The following KPNA5 variants were observed in gnomAD, a reference collection of about 807,000 sequenced individuals.
KPNA5 encodes karyopherin subunit alpha 5, also known as importin subunit alpha-6.
In KPNA5, 46 loss-of-function variants were observed where a neutral mutation model predicts 71.3. The ratio of observed to expected loss-of-function variants is 0.65; its 90% confidence interval spans 0.51 to 0.83. KPNA5 has a LOEUF of 0.83. KPNA5 is among the 40% of genes least tolerant of loss of function. The pLI, the probability that KPNA5 is intolerant of heterozygous loss-of-function variation, is 0.00. For missense variants in KPNA5, 547 were observed against 628.3 expected (o/e 0.87, Z 1.38); for synonymous variants, 207 against 201.4 (o/e 1.03, Z -0.24).
chr6:116,735,882 G>C lies in KPNA5; in HGVS notation c.*3559G>C, dbSNP rs1779653552. 1 of 151,788 alleles carries C rather than the reference G, an allele frequency of 6.6e-6. No homozygotes were observed. Among genetic ancestry groups the C allele is most frequent in the African/African-American group, 2.4e-5 (1 of 41,396 alleles). The allele number at this position is 151,788 out of a possible 1,614,324, so 9.4% of individuals were successfully genotyped here. ...ATCAGTAGTCACAGTAATTACTAAT[G>C]ATTTAAACATGCCAATTAAAGTGCA... On this transcript the variant is annotated 3_prime_UTR_variant, in exon 14 of 14. Coordinates refer to ENST00000368564, the MANE Select transcript of KPNA5 (RefSeq NM_001366306.2).
chr6:116,712,203 A>G (rs1327385578), intron 7 of KPNA5, among the ~76,000 whole-genome samples: 3 of 152,252 alleles, frequency 2.0e-5, no homozygotes, highest in Non-Finnish European at 4.4e-5. Context: ...AGCCTCCCAA[A>G]GTGCTGGGAT....
At position 116,739,763 on chromosome 6, in the gene KPNA5, A is replaced by G. The variant is rs1466761049; in HGVS notation, c.*7440A>G. 6.6e-6 allele frequency: 1 copy of G among 151,764 alleles called. No individual in the cohort carries two copies. The highest frequency in any genetic ancestry group is 2.4e-5 in the African/African-American group (1 of 41,316). 9.4% of individuals were successfully genotyped at this position (151,764 alleles called of 1,614,324 possible). A position where few individuals can be genotyped will look rare whatever the true frequency, so the allele number is the denominator to read the frequency against. ...CAATGGGGAAAGGATTCCCTATTTA[A>G]TAAATGGTGCTGGGAAAACTGGCTA... On this transcript the variant is annotated 3_prime_UTR_variant, in exon 14 of 14. Transcript: ENST00000368564.
chr6:116,698,611 A>C lies in KPNA5; in HGVS notation c.341-93A>C, dbSNP rs1412382387. ...ATCTTGGGTCAGGGAAACCTAGGAA[A>C]GAGTTATTTTATGTGCCCTGTTAAT... On this transcript the variant is annotated intron_variant, in intron 4 of 13. Coordinates refer to ENST00000368564, the MANE Select transcript of KPNA5 (RefSeq NM_001366306.2). 6 of 682,198 alleles carry C rather than the reference A, an allele frequency of 8.8e-6. No individual in the cohort carries two copies. In the Admixed American group the frequency reaches 2.1e-4, roughly 24 times the overall value. The allele number at this position is 682,198 out of a possible 1,614,324, so 42.3% of individuals were successfully genotyped here.
intron 10 of KPNA5, among the ~76,000 whole-genome samples, chr6:116,725,461 C>CT (rs1314712036): frequency 6.6e-6 from 1 of 152,058 alleles, no homozygotes; most frequent in Non-Finnish European, 1.5e-5. Context: ...GTCACCAAAT[C>CT]TTTTTTCAGT....
chr6:116,685,404 A>G (rs2114352378), intron 1 of KPNA5, among the ~76,000 whole-genome samples: 1 of 152,112 alleles, frequency 6.6e-6, no homozygotes. Flanking sequence ...CTAGTACCCA[A>G]TAGTTATTTT....
At chr6:116,684,629 C>T (rs1777498683) in intron 1 of KPNA5, among the ~76,000 whole-genome samples, 1 of 152,010 alleles carries the variant, frequency 6.6e-6, no homozygotes, top group Non-Finnish European at 1.5e-5. Flanking sequence ...TTGCTCTTGC[C>T]TTTTTCTGCT....
chr6:116,689,853 T>C (rs1379715061), intron 2 of KPNA5, among the ~76,000 whole-genome samples: 1 of 152,250 alleles, frequency 6.6e-6, no homozygotes, highest in Non-Finnish European at 1.5e-5. Context: ...ATGCTATTCA[T>C]ACTGTTCCCC....
chr6:116,729,772 A>C, intron 13 of KPNA5, 31 bp downstream of exon 13: 1 of 1,356,858 alleles, frequency 7.4e-7, no homozygotes, highest in Non-Finnish European at 9.8e-7. Context: ...TTGCAATTAT[A>C]GTCAGTTCTT....
rs147467573 is a variant in KPNA5 at position 116,713,164 on chromosome 6, T to G, written c.657-3055T>G. 1.2e-3 allele frequency among the ~76,000 whole-genome samples: 185 copies of G among 152,322 alleles called. 1 individual carries two copies. The highest frequency in any genetic ancestry group is 6.8e-3 in the Admixed American group (104 of 15,298). ...TTACCTATGTAGCTATCTTTAGCAG[T>G]ATTCTTTATTTCTTTGTATGGTTTT... On this transcript the variant is annotated intron_variant, in intron 7 of 13. Transcript: ENST00000368564.
At chr6:116,729,193 G>C (rs867232590) in intron 12 of KPNA5, among the ~76,000 whole-genome samples, 2 of 141,196 alleles carry the variant, frequency 1.4e-5, no homozygotes, top group African/African-American at 5.6e-5. Flanking sequence ...GTGTGTGTGT[G>C]TGTGTGTCTG....
At chr6:116,695,919 C>T (rs1416695403) in intron 4 of KPNA5, among the ~76,000 whole-genome samples, 1 of 152,144 alleles carries the variant, frequency 6.6e-6, no homozygotes, top group East Asian at 1.9e-4. Flanking sequence ...ACCATTTCCT[C>T]ATTATTGAAT....
intron 12 of KPNA5, 83 bp downstream of exon 12, chr6:116,726,705 A>G: frequency 8.7e-7 from 1 of 1,143,670 alleles, no homozygotes; most frequent in Non-Finnish European, 1.2e-6. Context: ...TACTGATGGA[A>G]CTAAAATATT....
rs1779301272 is a variant in KPNA5 at position 116,726,627 on chromosome 6, G to T, written c.1253+5G>T. On this transcript the variant is annotated splice_donor_5th_base_variant and intron_variant, in intron 12 of 13. Coordinates refer to ENST00000368564, the MANE Select transcript of KPNA5 (RefSeq NM_001366306.2). ...AGGTACTCCAGAGCAAATAAGGTAT[G>T]ATATAAACTTCTTAATTGTTTTTTA... is the stretch of plus-strand genomic sequence containing the variant. 6.4e-7 allele frequency: 1 copy of T among 1,563,984 alleles called. No homozygotes were observed. The highest frequency in any genetic ancestry group is 1.4e-5 in the African/African-American group (1 of 71,966).
At chr6:116,727,206 A>G (rs1486336600) in intron 12 of KPNA5, among the ~76,000 whole-genome samples, 1 of 151,998 alleles carries the variant, frequency 6.6e-6, no homozygotes, top group Non-Finnish European at 1.5e-5. Flanking sequence ...CTCCTTCAGT[A>G]AAAGTTGTGT....
At chr6:116,696,371 T>C (rs1490547693) in intron 4 of KPNA5, among the ~76,000 whole-genome samples, 3 of 152,200 alleles carry the variant, frequency 2.0e-5, no homozygotes, top group African/African-American at 7.2e-5. Context: ...AGCAAGCATC[T>C]AGAGGCCAGA....
chr6:116,721,926 CAT>C (rs1163330121), intron 8 of KPNA5, among the ~76,000 whole-genome samples, 198 bp from the exon 9 acceptor site: 2 of 152,138 alleles, frequency 1.3e-5, no homozygotes, highest in Non-Finnish European at 2.9e-5. Flanking sequence ...AATTTAACTA[CAT>C]ATCTTATTCA....
chr6:116,681,347 G>C lies in KPNA5; in HGVS notation c.4+9G>C, dbSNP rs1480337496. The C allele has an allele frequency of 3.1e-6, 5 of 1,598,086 alleles. No homozygotes were observed. The highest frequency in any genetic ancestry group is 3.4e-6 in the Non-Finnish European group (4 of 1,170,950). On this transcript the variant is annotated intron_variant, in intron 1 of 13. Transcript: ENST00000368564. ...GAGTGCCACATTAATGGGTAAGTTGGAGTGAACACGGGCTAGGTTGGGGGA... is the reference window on the plus strand; with the variant it reads ...GAGTGCCACATTAATGGGTAAGTTGCAGTGAACACGGGCTAGGTTGGGGGA...
intron 3 of KPNA5, 34 bp downstream of exon 3, chr6:116,692,190 C>T (rs1245872457): frequency 2.7e-6 from 4 of 1,477,608 alleles, no homozygotes; most frequent in African/African-American, 1.4e-5. Flanking sequence ...CAAATTATAC[C>T]TCAATAATTT....
chr6:116,728,149 C>T (rs1226687733), intron 12 of KPNA5, among the ~76,000 whole-genome samples: 1 of 152,026 alleles, frequency 6.6e-6, no homozygotes, highest in Non-Finnish European at 1.5e-5. Context: ...CACTTTGTGT[C>T]ATGGATACAA....
Sources: gnomAD v4.1 joint callset for allele counts (sites outside exome capture counted in the v4.1 genomes callset) on GRCh38, gnomAD v4.1.1 for gene constraint, MANE v1.5 for transcripts, NCBI Gene and HGNC (gene_info 2026-07-23, HGNC 2026-07-21) for gene names.